Variants in RERE observed in about 807,000 individuals in gnomAD.
RERE encodes the protein arginine-glutamic acid dipeptide repeats.
A neutral mutation model predicts 146.1 loss-of-function variants in RERE; 40 were observed. That is an observed-to-expected ratio of 0.27 (90% confidence interval 0.21 to 0.36). The LOEUF is 0.36. Ranked by LOEUF, RERE falls within the 10% of genes least tolerant of loss-of-function variation. RERE has a pLI of 1.00. For synonymous variants in RERE, 1,003 were observed against 866.0 expected, an observed-to-expected ratio of 1.16 and a Z score of -2.78; for missense variants, 1,933 against 2,138.7, an observed-to-expected ratio of 0.90 and a Z score of 1.90.
intron 4 of RERE, among the ~76,000 whole-genome samples, chr1:8,586,895 C>G (rs1037324473): frequency 6.6e-6 from 1 of 152,166 alleles, no homozygotes; most frequent in Non-Finnish European, 1.5e-5. Flanking sequence ...AATAGATAAT[C>G]CCTTCCCAGT....
chr1:8,359,533 GCA>G lies in RERE; in HGVS notation c.3618+229_3618+230del, dbSNP rs143588373. ...CTCGAAGGCCCTCCGGTAGGAGGAC[GCA>G]CAGTCACTGCTGGGAGTCAGCCTAG... On this transcript the variant is annotated intron_variant, in intron 19 of 22. Transcript: ENST00000400908. Among the ~76,000 whole-genome samples the G allele has an allele frequency of 1.6e-3, 250 of 152,334 alleles. 10 individuals carry two copies. The East Asian group carries it at 0.043, about 26-fold the overall frequency.
intron 11 of RERE, among the ~76,000 whole-genome samples, chr1:8,454,049 C>A (rs1644421443): frequency 6.6e-6 from 1 of 152,156 alleles, no homozygotes. Context: ...TTGAGGGGAG[C>A]ACAAGGGACA....
rs532352508 is a variant in RERE, at chr1:8,756,878, C to T, written c.-145+60282G>A. ...AGGCTGAGGTAGGTGGATCACCTGACGTCAGGAGTTTGACACCAGCCTGAC... is the reference window on the plus strand; with the variant it reads ...AGGCTGAGGTAGGTGGATCACCTGATGTCAGGAGTTTGACACCAGCCTGAC... On this transcript the variant is annotated intron_variant, in intron 1 of 22. Transcript: ENST00000400908. Among the ~76,000 whole-genome samples, 31 of 152,106 alleles carry T rather than the reference C, an allele frequency of 2.0e-4. No individual in the cohort carries two copies. In the East Asian group the frequency reaches 5.0e-3, roughly 25 times the overall value.
intron 10 of RERE, among the ~76,000 whole-genome samples, chr1:8,478,240 TTG>T (rs1283233756): frequency 6.6e-6 from 1 of 152,196 alleles, no homozygotes; most frequent in Non-Finnish European, 1.5e-5. Context: ...ACTCTAACAG[TTG>T]CACATTCTTT....
Position 8,614,258 on chromosome 1 carries a change from T to C in RERE, c.522+303A>G, listed in dbSNP as rs115282361. On this transcript the variant is annotated intron_variant, in intron 4 of 22. Coordinates refer to ENST00000400908, the MANE Select transcript of RERE (RefSeq NM_001042681.2). ...CAAACTTACCCCCTTTTTTCCCCAT[T>C]TCAGTTGCCAACATCCATACTCGCT... 5.1e-3 allele frequency among the ~76,000 whole-genome samples: 778 copies of C among 152,164 alleles called. 6 individuals carry two copies. The highest frequency in any genetic ancestry group is 0.018 in the African/African-American group (732 of 41,512).
intron 12 of RERE, among the ~76,000 whole-genome samples, chr1:8,418,743 C>T (rs1191437935): frequency 6.6e-6 from 1 of 152,204 alleles, no homozygotes; most frequent in Non-Finnish European, 1.5e-5. Flanking sequence ...ATTTTTGGAT[C>T]ATCCACGATT....
At chr1:8,493,268 A>G (rs2124225574) in intron 10 of RERE, among the ~76,000 whole-genome samples, 1 of 152,312 alleles carries the variant, frequency 6.6e-6, no homozygotes, top group South Asian at 2.1e-4. Flanking sequence ...AAATAATCTT[A>G]AAGGCCCCTT....
chr1:8,439,801 A>AGT (rs1358072933), intron 11 of RERE, among the ~76,000 whole-genome samples: 1 of 152,208 alleles, frequency 6.6e-6, no homozygotes, highest in Non-Finnish European at 1.5e-5. Context: ...AGCTGGGCAC[A>AGT]GTGGCTCACG....
At chr1:8,812,424 A>C (rs973293643) in intron 1 of RERE, among the ~76,000 whole-genome samples, 1 of 152,188 alleles carries the variant, frequency 6.6e-6, no homozygotes, top group Admixed American at 6.5e-5. Context: ...AGGCAGGTGG[A>C]TCACTTGAGG....
chr1:8,397,603 AC>A (rs1206691146), intron 12 of RERE, among the ~76,000 whole-genome samples: 1 of 147,202 alleles, frequency 6.8e-6, no homozygotes, highest in African/African-American at 2.6e-5. Flanking sequence ...AAAAAAAAAA[AC>A]ACATGAAACT....
intron 11 of RERE, 146 bp downstream of exon 11, chr1:8,465,776 AGGG>A: frequency 1.4e-6 from 1 of 704,248 alleles, no homozygotes; most frequent in Non-Finnish European, 2.6e-6. Flanking sequence ...AAGGGGCTGA[AGGG>A]CCCCATCCTC....
chr1:8,634,781 G>C (rs568886484), intron 2 of RERE, among the ~76,000 whole-genome samples: 1 of 152,266 alleles, frequency 6.6e-6, no homozygotes, highest in South Asian at 2.1e-4. Context: ...TGTCACCCAG[G>C]CTGGAGTGCA....
At chr1:8,543,073 A>G (rs1233058042) in intron 6 of RERE, among the ~76,000 whole-genome samples, 1 of 152,238 alleles carries the variant, frequency 6.6e-6, no homozygotes, top group Non-Finnish European at 1.5e-5. Flanking sequence ...ACACAGATTT[A>G]TAAGACATTT....
At chr1:8,682,806 GT>G (rs1237244231) in intron 1 of RERE, among the ~76,000 whole-genome samples, 1 of 152,014 alleles carries the variant, frequency 6.6e-6, no homozygotes, top group African/African-American at 2.4e-5. Context: ...CCTCAATCAG[GT>G]TTTCAACCCA....
At chr1:8,636,186 C>T (rs55805586) in intron 2 of RERE, among the ~76,000 whole-genome samples, 1,720 of 152,294 alleles carry the variant, frequency 0.011, 13 homozygotes, top group Middle Eastern at 0.037. Flanking sequence ...CAGGGTTTCA[C>T]CTTGTTGGTC....
chr1:8,548,691 A>G (rs1645896793), intron 6 of RERE, among the ~76,000 whole-genome samples: 1 of 152,242 alleles, frequency 6.6e-6, no homozygotes, highest in African/African-American at 2.4e-5. Flanking sequence ...AAAGTGAAGA[A>G]TAAAATCTTC....
At chr1:8,754,336 T>C (rs1481078981) in intron 1 of RERE, among the ~76,000 whole-genome samples, 2 of 152,260 alleles carry the variant, frequency 1.3e-5, no homozygotes, top group African/African-American at 2.4e-5. Flanking sequence ...ACAGTTACAT[T>C]AGAAAGTCAA....
At chr1:8,561,909 GATC>G (rs2124434579) in intron 4 of RERE, among the ~76,000 whole-genome samples, 1 of 152,334 alleles carries the variant, frequency 6.6e-6, no homozygotes, top group Non-Finnish European at 1.5e-5. Flanking sequence ...TGAATTTAGA[GATC>G]ATGCGATTCA....
intron 12 of RERE, among the ~76,000 whole-genome samples, chr1:8,410,712 A>G (rs1437246782): frequency 2.0e-5 from 3 of 152,218 alleles, no homozygotes; most frequent in African/African-American, 2.4e-5. Context: ...CATCCTTCAA[A>G]GAGCTTGAAG....
Sources: gnomAD v4.1 joint callset for allele counts (sites outside exome capture counted in the v4.1 genomes callset) on GRCh38, gnomAD v4.1.1 for gene constraint, MANE v1.5 for transcripts, NCBI Gene and HGNC (gene_info 2026-07-23, HGNC 2026-07-21) for gene names.